OIT3: variants seen among roughly 807,000 people sequenced by gnomAD.
The protein encoded by OIT3 is oncoprotein induced transcript 3.
OIT3 carries 41 observed loss-of-function variants against 52.2 expected under a neutral mutation model. The ratio of observed to expected loss-of-function variants is 0.79; its 90% CI spans 0.61 to 1.02. The LOEUF is 1.02. Ranked by LOEUF, OIT3 falls within the 50% of genes least tolerant of loss-of-function variation. The pLI is 0.00. For missense variants in OIT3, 634 were observed against 715.5 expected, an observed-to-expected ratio of 0.89 and a Z score of 1.30; for synonymous variants, 244 against 276.9, an observed-to-expected ratio of 0.88 and a Z score of 1.18.
chr10:72,915,613 C>G (rs1460095042), intron 6 of OIT3, among the ~76,000 whole-genome samples: 1 of 152,176 alleles, frequency 6.6e-6, no homozygotes, highest in Non-Finnish European at 1.5e-5. Flanking sequence ...TTATCAAACA[C>G]ATATTTTCCC....
chr10:72,924,638 G>T lies in OIT3; in HGVS notation c.1361G>T (p.Arg454Leu), dbSNP rs142355615. ...GAGGTCCTGAAATACTACCTCATCCGGGATGGGTAATGCTGCTGCAAGAAT... is the reference window on the plus strand; with the variant it reads ...GAGGTCCTGAAATACTACCTCATCCTGGATGGGTAATGCTGCTGCAAGAAT... ...IDEVLKYYLI[R>L]DGCVSDDSVK... Residue 454 changes from arginine (R) to leucine (L), a missense_variant, in exon 7 of 9, where the codon CGG becomes CTG. By Grantham distance (102) the Arg-to-Leu change is moderately radical. Transcript: ENST00000334011. 1 of 1,605,584 alleles carries T rather than the reference G, an allele frequency of 6.2e-7. No homozygotes were observed. Among genetic ancestry groups the T allele is most frequent in the Non-Finnish European group, 8.5e-7 (1 of 1,174,584 alleles).
At chr10:72,910,383 C>T (rs943628913) in intron 4 of OIT3, among the ~76,000 whole-genome samples, 10 of 152,194 alleles carry the variant, frequency 6.6e-5, no homozygotes, top group African/African-American at 9.6e-5. Flanking sequence ...TGGCCAGGTG[C>T]GGTGGCTCAC....
At chr10:72,924,835 G>T (rs1846154812) in intron 7 of OIT3, among the ~76,000 whole-genome samples, 191 bp downstream of exon 7, 1 of 152,144 alleles carries the variant, frequency 6.6e-6, no homozygotes, top group African/African-American at 2.4e-5. Flanking sequence ...TCCTAGGCCA[G>T]GTGCAGTGGT....
chr10:72,922,708 C>T (rs1273165475), intron 6 of OIT3, among the ~76,000 whole-genome samples: 4 of 152,108 alleles, frequency 2.6e-5, no homozygotes, highest in African/African-American at 9.7e-5. Context: ...AGCTGCAGCC[C>T]CATTCCAAAC....
chr10:72,897,379 A>C (rs562996623), intron 1 of OIT3, among the ~76,000 whole-genome samples: 1 of 152,260 alleles, frequency 6.6e-6, no homozygotes, highest in Admixed American at 6.5e-5. Flanking sequence ...TGGTTGAGAT[A>C]TTTGTCCTTG....
intron 5 of OIT3, 29 bp downstream of exon 5, chr10:72,911,868 C>G: frequency 1.3e-6 from 2 of 1,594,160 alleles, no homozygotes; most frequent in Non-Finnish European, 8.5e-7. Context: ...GGACTTGTCT[C>G]TACTCTGATT....
At chr10:72,928,657 G>T (rs936106616) in intron 7 of OIT3, among the ~76,000 whole-genome samples, 1 of 152,082 alleles carries the variant, frequency 6.6e-6, no homozygotes, top group Non-Finnish European at 1.5e-5. Context: ...AACCAGCAGG[G>T]TGTCTTGCAT....
chr10:72,917,260 C>A (rs1846080990), intron 6 of OIT3, among the ~76,000 whole-genome samples: 1 of 150,800 alleles, frequency 6.6e-6, no homozygotes. Context: ...AATGGTACTG[C>A]CTAGGTTGTC....
At position 72,913,466 on chromosome 10, in the gene OIT3, G is replaced by T; in HGVS notation, c.949G>T (p.Asp317Tyr). ...TCTCAAGACATGTGGTACAGTGGTCGATGTAGGTTCCTCCTGGAGGGCACT... is the reference window on the plus strand; with the variant it reads ...TCTCAAGACATGTGGTACAGTGGTCTATGTAGGTTCCTCCTGGAGGGCACT... Reference protein sequence around the residue: ...FSLKTCGTVVDVVNDKIVASN... With the variant: ...FSLKTCGTVVYVVNDKIVASN... The change falls in exon 6 of 9, where the codon GAT becomes TAT. Residue 317 changes from aspartate to tyrosine, a missense_variant and splice_region_variant. Physicochemically the swap from Asp to Tyr is radical, Grantham distance 160 (BLOSUM62 -3). Transcript: ENST00000334011. The T allele has an allele frequency of 1.2e-6, 2 of 1,602,738 alleles. No homozygotes were observed. The highest frequency in any genetic ancestry group is 1.7e-6 in the Non-Finnish European group (2 of 1,171,106).
intron 7 of OIT3, among the ~76,000 whole-genome samples, chr10:72,927,855 G>T (rs1220891436): frequency 6.6e-6 from 1 of 151,870 alleles, no homozygotes; most frequent in Non-Finnish European, 1.5e-5. Flanking sequence ...ATTCATGGAG[G>T]GTTTACTTCC....
chr10:72,927,650 GCT>G (rs1846181237), intron 7 of OIT3, among the ~76,000 whole-genome samples: 1 of 152,154 alleles, frequency 6.6e-6, no homozygotes, highest in African/African-American at 2.4e-5. Context: ...AGATCCTCCA[GCT>G]CTTGGCATGG....
chr10:72,901,464 T>C (rs1204071018), intron 3 of OIT3, among the ~76,000 whole-genome samples: 2 of 152,226 alleles, frequency 1.3e-5, no homozygotes, highest in African/African-American at 4.8e-5. Context: ...ATGAAGCTTT[T>C]TGGATTCAGA....
At chr10:72,914,010 A>G (rs1481203174) in intron 6 of OIT3, among the ~76,000 whole-genome samples, 1 of 152,242 alleles carries the variant, frequency 6.6e-6, no homozygotes, top group African/African-American at 2.4e-5. Flanking sequence ...AGCGAGACAG[A>G]TGACAGGTCC....
intron 1 of OIT3, among the ~76,000 whole-genome samples, chr10:72,898,120 C>CAA (rs59034984): frequency 0.051 from 6,743 of 132,494 alleles, 288 homozygotes; most frequent in East Asian, 0.23. Context: ...CTATCTCTAC[C>CAA]AAAAAAAAAA....
intron 2 of OIT3, among the ~76,000 whole-genome samples, chr10:72,899,747 AGATAGATAGATG>A (rs1193187105): frequency 0.012 from 1,656 of 139,158 alleles, 31 homozygotes; most frequent in African/African-American, 0.042. Flanking sequence ...ATAGATAGAT[AGATAGATAGATG>A]ATAGATAGAT....
At position 72,893,804 on chromosome 10, in the gene OIT3, T is replaced by C; in HGVS notation, c.6T>C (p.Pro2=). Reference sequence around the variant, plus strand: ...CTGGCAGTTGGTCCAGAAGGATGCCTCCATTCCTGCTTCTCACCTGCCTCT... The same window carrying C: ...CTGGCAGTTGGTCCAGAAGGATGCCCCCATTCCTGCTTCTCACCTGCCTCT... M[P]PFLLLTCLFI... is the part of the protein sequence containing the mutation. The change falls in exon 1 of 9, where the codon CCT becomes CCC. Residue 2 remains proline, a synonymous_variant. Transcript: ENST00000334011. 1.2e-6 allele frequency: 2 copies of C among 1,610,260 alleles called. No homozygotes were observed. The highest frequency in any genetic ancestry group is 1.7e-6 in the Non-Finnish European group (2 of 1,178,270).
intron 6 of OIT3, among the ~76,000 whole-genome samples, chr10:72,923,305 C>T (rs1846137557): frequency 6.6e-6 from 1 of 152,244 alleles, no homozygotes; most frequent in South Asian, 2.1e-4. Flanking sequence ...GGCTGTGAAA[C>T]AGCAAAGATA....
intron 7 of OIT3, among the ~76,000 whole-genome samples, chr10:72,929,312 CCAGAAGA>C (rs1456908113): frequency 1.3e-5 from 2 of 151,580 alleles, no homozygotes; most frequent in Non-Finnish European, 1.5e-5. Context: ...TTTTCCTGGC[CCAGAAGA>C]CAGGAACTAT....
At position 72,898,178 on chromosome 10, in the gene OIT3, T is replaced by C. The variant is rs115604826; in HGVS notation, c.62-486T>C. Among the ~76,000 whole-genome samples, 470 of 151,682 alleles carry C rather than the reference T, an allele frequency of 3.1e-3. 3 individuals carry two copies. Among genetic ancestry groups the C allele is most frequent in the African/African-American group, 0.011 (442 of 41,334 alleles). ...GGCATACGCTTGTGGTCCCAGCTACTTCAGAGGCTGGGTGGGGAGGATCAC... is the reference window on the plus strand; with the variant it reads ...GGCATACGCTTGTGGTCCCAGCTACCTCAGAGGCTGGGTGGGGAGGATCAC... On this transcript the variant is annotated intron_variant, in intron 1 of 8. Coordinates refer to ENST00000334011, the MANE Select transcript of OIT3 (RefSeq NM_152635.3).
Sources: gnomAD v4.1 joint callset for allele counts (sites outside exome capture counted in the v4.1 genomes callset) on GRCh38, gnomAD v4.1.1 for gene constraint, MANE v1.5 for transcripts, NCBI Gene and HGNC (gene_info 2026-07-23, HGNC 2026-07-21) for gene names.